EMCN: variants seen among roughly 807,000 people sequenced by gnomAD.
EMCN encodes the protein endomucin.
A neutral mutation model predicts 38.4 loss-of-function variants in EMCN; 37 were observed. That is an observed-to-expected ratio of 0.96 (90% confidence interval 0.74 to 1.27). The LOEUF (loss-of-function observed/expected upper bound fraction) is 1.27, where lower values mean the gene tolerates loss of function less well. Ranked by LOEUF, EMCN falls within the 50% of genes most tolerant of loss-of-function variation. The pLI is 0.00. For synonymous variants in EMCN, 95 were observed against 100.8 expected (o/e 0.94, Z 0.35); for missense variants, 318 against 302.8 (o/e 1.05, Z -0.37).
intron 5 of EMCN, among the ~76,000 whole-genome samples, chr4:100,431,722 T>TCA (rs10675474): frequency 6.0e-4 from 1 of 1,654 alleles, no homozygotes; most frequent in Non-Finnish European, 1.6e-3. Flanking sequence ...TTACAATACA[T>TCA]CTCTCTCTCT....
At chr4:100,468,379 A>G (rs937596257) in intron 3 of EMCN, among the ~76,000 whole-genome samples, 5 of 152,190 alleles carry the variant, frequency 3.3e-5, no homozygotes, top group African/African-American at 1.2e-4. Flanking sequence ...CTATATTAGG[A>G]ATCTAATGTG....
At chr4:100,516,397 G>A (rs911296618) in intron 1 of EMCN, among the ~76,000 whole-genome samples, 2 of 152,018 alleles carry the variant, frequency 1.3e-5, no homozygotes, top group Non-Finnish European at 2.9e-5. Context: ...CTGGAGCAGC[G>A]AGCAGGCTAA....
At chr4:100,431,799 C>A (rs1162602218) in intron 5 of EMCN, among the ~76,000 whole-genome samples, 2 of 148,390 alleles carry the variant, frequency 1.3e-5, no homozygotes, top group African/African-American at 2.4e-5. Context: ...CTATCTATTT[C>A]TCTCTCTCTC....
intron 5 of EMCN, among the ~76,000 whole-genome samples, chr4:100,430,396 A>G (rs896443954): frequency 3.3e-5 from 5 of 152,160 alleles, no homozygotes; most frequent in African/African-American, 1.2e-4. Flanking sequence ...CATAAAATAT[A>G]ATCTATTTTC....
chr4:100,476,570 A>C (rs1728657512), intron 2 of EMCN, among the ~76,000 whole-genome samples: 1 of 152,182 alleles, frequency 6.6e-6, no homozygotes, highest in South Asian at 2.1e-4. Context: ...TGAGTCAATA[A>C]ATGTTTATAA....
chr4:100,481,487 A>T (rs1443238807), intron 1 of EMCN, among the ~76,000 whole-genome samples: 1 of 152,050 alleles, frequency 6.6e-6, no homozygotes, highest in African/African-American at 2.4e-5. Context: ...ATAGAACTGC[A>T]TTTTCACAGG....
At chr4:100,461,369 T>C (rs998258060) in intron 4 of EMCN, among the ~76,000 whole-genome samples, 2 of 152,180 alleles carry the variant, frequency 1.3e-5, no homozygotes, top group South Asian at 2.1e-4. Flanking sequence ...GAATTATTAA[T>C]ATTTAACTTA....
chr4:100,445,759 G>T (rs192252096), intron 5 of EMCN, among the ~76,000 whole-genome samples: 9 of 152,174 alleles, frequency 5.9e-5, no homozygotes, highest in Admixed American at 5.9e-4. Flanking sequence ...TAATAAATTT[G>T]TTAATTCATC....
intron 1 of EMCN, among the ~76,000 whole-genome samples, chr4:100,482,421 T>C (rs1728835010): frequency 1.3e-5 from 2 of 152,076 alleles, no homozygotes; most frequent in African/African-American, 4.8e-5. Context: ...GAAAAGACTT[T>C]ATAAGATAAA....
chr4:100,466,104 A>G (rs745872701), intron 3 of EMCN, among the ~76,000 whole-genome samples: 5 of 152,192 alleles, frequency 3.3e-5, no homozygotes, highest in Non-Finnish European at 2.9e-5. Flanking sequence ...TTGAAAAAAA[A>G]ATTTACAACA....
rs1416606538 is a variant in EMCN at position 100,397,572 on chromosome 4, T to A, written c.*841A>T. 1 of 152,184 alleles carries A rather than the reference T, an allele frequency of 6.6e-6. No homozygotes were observed. Among genetic ancestry groups the A allele is most frequent in the African/African-American group, 2.4e-5 (1 of 41,464 alleles). The allele number at this position is 152,184 out of a possible 1,614,324, so 9.4% of individuals were successfully genotyped here. On this transcript the variant is annotated 3_prime_UTR_variant, in exon 12 of 12. Coordinates refer to ENST00000296420, the MANE Select transcript of EMCN (RefSeq NM_016242.4). ...AAAAATCATGATCCTATTATCTTAA[T>A]GAATGCAGTATAGTGTTATAAATGC... is the stretch of plus-strand genomic sequence containing the variant.
Position 100,410,371 on chromosome 4 carries a change from A to G in EMCN, c.752-16T>C. On this transcript the variant is annotated splice_polypyrimidine_tract_variant and intron_variant, in intron 10 of 11. Coordinates refer to ENST00000296420, the MANE Select transcript of EMCN (RefSeq NM_016242.4). ...GAGTGCTCACCTGAGAACAGAAGAT[A>G]TGTTTTGATCTGTAAGCTCAGAGAC... 6.2e-7 allele frequency: 1 copy of G among 1,613,080 alleles called. No individual in the cohort carries two copies. The highest frequency in any genetic ancestry group is 8.5e-7 in the Non-Finnish European group (1 of 1,179,156).
intron 1 of EMCN, chr4:100,487,079 G>T: frequency 1.1e-6 from 1 of 940,216 alleles, no homozygotes; most frequent in Non-Finnish European, 1.3e-6. Context: ...ATGTAGGAGT[G>T]GGAGGAAAAA....
At chr4:100,474,145 A>G (rs1262184216) in intron 3 of EMCN, 1 of 152,220 alleles carries the variant, frequency 6.6e-6, no homozygotes, top group African/African-American at 2.4e-5. Flanking sequence ...ATGTATACAG[A>G]ACTCTTGCAA....
chr4:100,399,244 T>C lies in EMCN; in HGVS notation c.*40-871A>G, dbSNP rs1726190636. Among the ~76,000 whole-genome samples the C allele has an allele frequency of 2.0e-5, 3 of 152,142 alleles. 1 individual carries two copies. The South Asian group carries it at 6.2e-4, about 32-fold the overall frequency. ...GAGATGGAGACTTCTATGTCCCAAG[T>C]ACGAAAAGGGTAGTGGCCCAAACTG... is the stretch of plus-strand genomic sequence containing the variant. On this transcript the variant is annotated intron_variant, in intron 11 of 11. Coordinates refer to ENST00000296420, the MANE Select transcript of EMCN (RefSeq NM_016242.4).
At chr4:100,507,520 G>A (rs986152692) in intron 1 of EMCN, among the ~76,000 whole-genome samples, 1 of 152,140 alleles carries the variant, frequency 6.6e-6, no homozygotes, top group Non-Finnish European at 1.5e-5. Flanking sequence ...AGTGGATGGA[G>A]GGAAGAAGGA....
chr4:100,406,747 A>G (rs1188654112), intron 11 of EMCN, among the ~76,000 whole-genome samples: 1 of 152,076 alleles, frequency 6.6e-6, no homozygotes, highest in Non-Finnish European at 1.5e-5. Flanking sequence ...TGTTAGTTCT[A>G]TTTTGTCAAT....
chr4:100,486,588 T>C (rs1230576068), intron 1 of EMCN, among the ~76,000 whole-genome samples: 1 of 152,148 alleles, frequency 6.6e-6, no homozygotes, highest in African/African-American at 2.4e-5. Context: ...GAGAAAAATA[T>C]TTAGATAAGT....
intron 11 of EMCN, among the ~76,000 whole-genome samples, chr4:100,407,378 T>A (rs1471931498): frequency 2.0e-5 from 3 of 152,226 alleles, no homozygotes; most frequent in Non-Finnish European, 4.4e-5. Flanking sequence ...ATTTCCATAT[T>A]CAGCACTCCC....
Sources: gnomAD v4.1 joint callset for allele counts (sites outside exome capture counted in the v4.1 genomes callset) on GRCh38, gnomAD v4.1.1 for gene constraint, MANE v1.5 for transcripts, NCBI Gene and HGNC (gene_info 2026-07-23, HGNC 2026-07-21) for gene names.